SPAM1: variants seen among roughly 807,000 people sequenced by gnomAD.
SPAM1 encodes sperm adhesion molecule 1, also known as hyaluronidase PH-20.
In SPAM1, 22 loss-of-function variants were observed where a neutral mutation model predicts 29.6. That is an observed-to-expected ratio of 0.74 (90% confidence interval 0.53 to 1.06). SPAM1 has a LOEUF of 1.06. Ranked by LOEUF, SPAM1 falls within the 50% of genes least tolerant of loss-of-function variation. The pLI is 0.00. For missense variants in SPAM1, 534 were observed against 604.0 expected (o/e 0.88, Z 1.21); for synonymous variants, 194 against 204.6 (o/e 0.95, Z 0.44).
Position 123,959,710 on chromosome 7 carries a change from A to T in SPAM1, c.1271A>T (p.Glu424Val), listed in dbSNP as rs971426407. ...ACAGTACGTGGAAAACCGACACTTG[A>T]AGACCTGGAGCAATTTTCTGAAAAA... ...KFTVRGKPTL[E>V]DLEQFSEKFY... The change falls in exon 5 of 5, where the codon GAA becomes GTA. Residue 424 changes from glutamate (E) to valine (V), a missense_variant. Glu to Val is a moderately radical substitution (Grantham distance 121). Coordinates refer to ENST00000682466, the MANE Select transcript of SPAM1 (RefSeq NM_153189.3). 3.1e-6 allele frequency: 5 copies of T among 1,613,204 alleles called. No homozygotes were observed. Among genetic ancestry groups the T allele is most frequent in the South Asian group, 2.2e-5 (2 of 91,062 alleles).
intron 5 of SPAM1, among the ~76,000 whole-genome samples, chr7:123,967,966 T>A (rs543238800): frequency 2.6e-5 from 4 of 151,774 alleles, no homozygotes; most frequent in Non-Finnish European, 5.9e-5. Context: ...GAGAAAAGGA[T>A]AGAATTAGAA....
chr7:123,963,593 A>T (rs2117076594), downstream of SPAM1, among the ~76,000 whole-genome samples: 1 of 152,072 alleles, frequency 6.6e-6, no homozygotes, highest in African/African-American at 2.4e-5. Context: ...TTACAAATTC[A>T]TCTATCTGCT....
chr7:123,954,981 C>G lies in SPAM1; in HGVS notation c.955-16C>G, dbSNP rs1270276365. 13 of 1,587,994 alleles carry G rather than the reference C, an allele frequency of 8.2e-6. No homozygotes were observed. Among genetic ancestry groups the G allele is most frequent in the African/African-American group, 1.3e-5 (1 of 74,326 alleles). On this transcript the variant is annotated splice_polypyrimidine_tract_variant and intron_variant, in intron 3 of 4. Transcript: ENST00000682466. Reference sequence around the variant, plus strand: ...TTTCATTTTTATCTGCTAACTCTTTCTGTCACATTTTCCAGGATGAACTTG... The same window carrying G: ...TTTCATTTTTATCTGCTAACTCTTTGTGTCACATTTTCCAGGATGAACTTG...
At chr7:123,967,696 G>T (rs1255251171) in intron 5 of SPAM1, among the ~76,000 whole-genome samples, 1 of 151,830 alleles carries the variant, frequency 6.6e-6, no homozygotes, top group African/African-American at 2.4e-5. Context: ...AAGGAAGGGG[G>T]ATGTGGTGGG....
chr7:123,951,380 C>A (rs1330944424), intron 2 of SPAM1, among the ~76,000 whole-genome samples: 1 of 152,072 alleles, frequency 6.6e-6, no homozygotes, highest in East Asian at 1.9e-4. Flanking sequence ...TCTCTGTAAA[C>A]AGGTAAAGTT....
downstream of SPAM1, among the ~76,000 whole-genome samples, chr7:123,963,348 AT>A (rs60045269): frequency 1.3e-5 from 2 of 150,778 alleles, no homozygotes; most frequent in South Asian, 2.1e-4. Context: ...GGTATCTTTT[AT>A]TTTTTTTCAG....
In SPAM1 at chr7:123,959,471, A is replaced by G. The variant is rs1318547809; in HGVS notation, c.1045-13A>G. On this transcript the variant is annotated splice_polypyrimidine_tract_variant and intron_variant, in intron 4 of 4. Transcript: ENST00000682466. ...TCCTTTGATATTCTGACTGTCTTAT[A>G]ATAATTTTACAGAAATCTTGCTTGC... 6.4e-7 allele frequency: 1 copy of G among 1,552,482 alleles called. No homozygotes were observed. The highest frequency in any genetic ancestry group is 8.7e-7 in the Non-Finnish European group (1 of 1,142,926).
Position 123,937,397 on chromosome 7 carries a change from C to G in SPAM1, c.-319+12045C>G, listed in dbSNP as rs376615767. 1.2e-3 allele frequency among the ~76,000 whole-genome samples: 179 copies of G among 151,996 alleles called. 1 individual carries two copies. The highest frequency in any genetic ancestry group is 2.3e-3 in the African/African-American group (97 of 41,448). On this transcript the variant is annotated intron_variant, in intron 1 of 4. Transcript: ENST00000682466. ...CGGGCGGATCACAAAGTCAGGAGAT[C>G]GAGACCATCCTGGATAACATGGTGA...
chr7:123,960,106 T>C (rs1792339511), downstream of SPAM1: 13 of 1,271,914 alleles, frequency 1.0e-5, no homozygotes, highest in Non-Finnish European at 1.4e-5. Flanking sequence ...ACCTAGGAAA[T>C]GACGATTTTC....
chr7:123,928,078 C>T (rs550352738), intron 1 of SPAM1, among the ~76,000 whole-genome samples: 1 of 152,076 alleles, frequency 6.6e-6, no homozygotes, highest in East Asian at 1.9e-4. Context: ...TCAAATTTTA[C>T]TTTTATTATT....
downstream of SPAM1, among the ~76,000 whole-genome samples, chr7:123,962,155 C>G (rs193191568): frequency 1.1e-4 from 16 of 151,900 alleles, no homozygotes; most frequent in African/African-American, 3.4e-4. Flanking sequence ...CCAAGAGTTC[C>G]CTTTTCCCAC....
chr7:123,951,248 T>A (rs573849455), intron 2 of SPAM1, among the ~76,000 whole-genome samples: 1 of 152,100 alleles, frequency 6.6e-6, no homozygotes, highest in Non-Finnish European at 1.5e-5. Flanking sequence ...GCTGTGCAGA[T>A]GCTTTTTAGT....
At chr7:123,962,860 A>G (rs1176746518), downstream of SPAM1, among the ~76,000 whole-genome samples, 2 of 151,868 alleles carry the variant, frequency 1.3e-5, no homozygotes, top group Non-Finnish European at 1.5e-5. Flanking sequence ...GTATATATAC[A>G]CAAATAACAC....
chr7:123,939,576 T>C (rs1313701983), intron 1 of SPAM1, among the ~76,000 whole-genome samples: 9 of 152,198 alleles, frequency 5.9e-5, no homozygotes, highest in Non-Finnish European at 1.3e-4. Flanking sequence ...TTACTTAAAC[T>C]CAAAGGACAT....
chr7:123,933,182 G>A (rs902481171), intron 1 of SPAM1, among the ~76,000 whole-genome samples: 14 of 151,374 alleles, frequency 9.2e-5, no homozygotes, highest in South Asian at 4.2e-4. Flanking sequence ...TTTAAGCCTC[G>A]CGTGCATTAG....
At chr7:123,955,109 A>T in intron 4 of SPAM1, 23 bp downstream of exon 4, 1 of 1,443,842 alleles carries the variant, frequency 6.9e-7, no homozygotes, top group Non-Finnish European at 9.7e-7. Context: ...GGTAGAAAAT[A>T]GGTGAAAATA....
At chr7:123,969,778 CTTT>C (rs34864162) in intron 5 of SPAM1, among the ~76,000 whole-genome samples, 5 of 140,458 alleles carry the variant, frequency 3.6e-5, no homozygotes, top group African/African-American at 2.6e-5. Flanking sequence ...TATTTGGGCT[CTTT>C]TTTTTTTTTG....
downstream of SPAM1, among the ~76,000 whole-genome samples, chr7:123,961,372 G>C (rs150079146): frequency 3.3e-5 from 5 of 151,892 alleles, no homozygotes; most frequent in African/African-American, 1.2e-4. Context: ...CTCTCTCTGT[G>C]ATTTCAATTT....
chr7:123,928,535 C>T (rs566201254), intron 1 of SPAM1, among the ~76,000 whole-genome samples: 1 of 152,228 alleles, frequency 6.6e-6, no homozygotes, highest in South Asian at 2.1e-4. Flanking sequence ...ATTGGGGTGG[C>T]CTAAGATGTA....
Sources: gnomAD v4.1 joint callset for allele counts (sites outside exome capture counted in the v4.1 genomes callset) on GRCh38, gnomAD v4.1.1 for gene constraint, MANE v1.5 for transcripts, NCBI Gene and HGNC (gene_info 2026-07-23, HGNC 2026-07-21) for gene names.